The following INPP4B variants were observed in gnomAD, a reference collection of about 807,000 sequenced individuals.
The protein encoded by INPP4B is inositol polyphosphate 4-phosphatase type II.
Under a neutral mutation model 122.5 loss-of-function variants are expected in INPP4B, and 55 were observed. The observed-to-expected ratio is 0.45, with a 90% CI of 0.36 to 0.56. The LOEUF is 0.56. Among genes scored for constraint, INPP4B ranks in the 20% least tolerant of loss-of-function variants. The pLI is 0.00. For missense variants in INPP4B, 1,000 were observed against 1,097.7 expected (o/e 0.91, Z 1.26); for synonymous variants, 403 against 388.7 (o/e 1.04, Z -0.43).
chr4:142,079,986 A>G (rs67406876), intron 25 of INPP4B, among the ~76,000 whole-genome samples: 1 of 152,036 alleles, frequency 6.6e-6, no homozygotes, highest in South Asian at 2.1e-4. Context: ...TTTAACCAAC[A>G]TTATTTAGTG....
At chr4:142,573,349 A>T (rs936753471) in intron 2 of INPP4B, among the ~76,000 whole-genome samples, 1 of 152,030 alleles carries the variant, frequency 6.6e-6, no homozygotes, top group Non-Finnish European at 1.5e-5. Flanking sequence ...TTTTCTTTTA[A>T]AAAACCGTTC....
chr4:142,212,712 C>G (rs549164508), intron 12 of INPP4B, among the ~76,000 whole-genome samples: 1 of 152,076 alleles, frequency 6.6e-6, no homozygotes, highest in Non-Finnish European at 1.5e-5. Flanking sequence ...AGCACTGCTC[C>G]CCTGACTCCA....
At chr4:142,142,944 A>G (rs900291758) in intron 18 of INPP4B, among the ~76,000 whole-genome samples, 1 of 152,060 alleles carries the variant, frequency 6.6e-6, no homozygotes, top group Non-Finnish European at 1.5e-5. Flanking sequence ...CAGATGGTAG[A>G]ACAGACTTTT....
At chr4:142,443,438 A>T (rs1246992558) in intron 3 of INPP4B, among the ~76,000 whole-genome samples, 1 of 152,058 alleles carries the variant, frequency 6.6e-6, no homozygotes, top group Non-Finnish European at 1.5e-5. Context: ...TTAGGTGAAG[A>T]CTCATTGAAA....
chr4:142,256,692 C>T (rs1023306889), intron 11 of INPP4B, among the ~76,000 whole-genome samples: 6 of 152,108 alleles, frequency 3.9e-5, no homozygotes, highest in Non-Finnish European at 7.4e-5. Context: ...ATAACAGGCT[C>T]TGAAATTGTG....
chr4:142,107,779 T>C (rs956422467), intron 23 of INPP4B, among the ~76,000 whole-genome samples: 1 of 152,176 alleles, frequency 6.6e-6, no homozygotes, highest in Non-Finnish European at 1.5e-5. Context: ...TTAAGAATTA[T>C]ACAAAATTTT....
chr4:142,381,752 T>C lies in INPP4B; in HGVS notation c.372+21186A>G, dbSNP rs180754619. Among the ~76,000 whole-genome samples the C allele has an allele frequency of 3.9e-3, 595 of 152,230 alleles. 3 individuals carry two copies. Among genetic ancestry groups the C allele is most frequent in the African/African-American group, 0.013 (551 of 41,570 alleles). Reference sequence around the variant, plus strand: ...AATATAATAAACTGTAATATTATTTTCTTCTAGAAGGATAGTCATTTTACC... The same window carrying C: ...AATATAATAAACTGTAATATTATTTCCTTCTAGAAGGATAGTCATTTTACC... On this transcript the variant is annotated intron_variant, in intron 7 of 25. Transcript: ENST00000262992.
At chr4:142,051,453 A>G (rs914735195) in intron 25 of INPP4B, among the ~76,000 whole-genome samples, 2 of 151,982 alleles carry the variant, frequency 1.3e-5, no homozygotes, top group Admixed American at 1.3e-4. Context: ...GGGAGCTAGC[A>G]ACATGCTATT....
chr4:142,428,294 A>G, intron 5 of INPP4B, among the ~76,000 whole-genome samples: 1 of 151,396 alleles, frequency 6.6e-6, no homozygotes, highest in East Asian at 1.9e-4. Context: ...ATATATATTA[A>G]TATGTAAAGA....
At chr4:142,219,757 G>A (rs1436347209) in intron 12 of INPP4B, among the ~76,000 whole-genome samples, 2 of 152,188 alleles carry the variant, frequency 1.3e-5, no homozygotes, top group Admixed American at 6.5e-5. Context: ...GACGGAGGAT[G>A]TTGTCCAGTT....
chr4:142,689,115 C>A (rs1328930732), intron 2 of INPP4B, among the ~76,000 whole-genome samples: 1 of 152,198 alleles, frequency 6.6e-6, no homozygotes, highest in Non-Finnish European at 1.5e-5. Context: ...GTCTCCCATA[C>A]AGCCAGCTAA....
At chr4:142,080,681 G>T (rs1773451241) in intron 25 of INPP4B, among the ~76,000 whole-genome samples, 1 of 151,924 alleles carries the variant, frequency 6.6e-6, no homozygotes, top group Non-Finnish European at 1.5e-5. Context: ...TAATTTAAGG[G>T]TCCCCTCTTC....
At chr4:142,116,636 C>A (rs1793631735) in intron 21 of INPP4B, among the ~76,000 whole-genome samples, 2 of 152,074 alleles carry the variant, frequency 1.3e-5, no homozygotes, top group Non-Finnish European at 2.9e-5. Context: ...TACAACATAC[C>A]AGAATCTCTG....
At chr4:142,156,055 A>G (rs1382526510) in intron 17 of INPP4B, among the ~76,000 whole-genome samples, 1 of 151,042 alleles carries the variant, frequency 6.6e-6, no homozygotes, top group Non-Finnish European at 1.5e-5. Context: ...TTTGGCTTAT[A>G]TTTGTAACAT....
chr4:142,679,341 T>C (rs1262046035), intron 2 of INPP4B, among the ~76,000 whole-genome samples: 1 of 151,894 alleles, frequency 6.6e-6, no homozygotes, highest in Non-Finnish European at 1.5e-5. Flanking sequence ...TGCAGTCCCT[T>C]AAAAGTTTCT....
At chr4:142,375,086 A>C (rs960999529) in intron 7 of INPP4B, among the ~76,000 whole-genome samples, 2 of 151,654 alleles carry the variant, frequency 1.3e-5, no homozygotes, top group Non-Finnish European at 2.9e-5. Context: ...CTCACTCCTT[A>C]ATCTCTCAGA....
intron 2 of INPP4B, among the ~76,000 whole-genome samples, chr4:142,470,398 T>C (rs893441995): frequency 1.8e-4 from 28 of 152,162 alleles, no homozygotes; most frequent in Non-Finnish European, 3.2e-4. Context: ...ATCTAACAAA[T>C]TGGCAAAGAA....
chr4:142,562,299 T>C (rs536456736), intron 2 of INPP4B, among the ~76,000 whole-genome samples: 2 of 151,992 alleles, frequency 1.3e-5, no homozygotes, highest in South Asian at 2.1e-4. Flanking sequence ...CACTGAATGA[T>C]TGTTATAAGC....
chr4:142,270,975 T>C (rs1235899504), intron 9 of INPP4B, among the ~76,000 whole-genome samples: 1 of 152,018 alleles, frequency 6.6e-6, no homozygotes, highest in Non-Finnish European at 1.5e-5. Context: ...TTTTTTCTTT[T>C]TTTTTGAGAT....
Sources: gnomAD v4.1 joint callset for allele counts (sites outside exome capture counted in the v4.1 genomes callset) on GRCh38, gnomAD v4.1.1 for gene constraint, MANE v1.5 for transcripts, NCBI Gene and HGNC (gene_info 2026-07-23, HGNC 2026-07-21) for gene names.